The following DSE variants were observed in gnomAD, a reference collection of about 807,000 sequenced individuals.
The protein encoded by DSE is dermatan sulfate epimerase.
Under a neutral mutation model 84.4 loss-of-function variants are expected in DSE, and 36 were observed. That is an observed-to-expected ratio of 0.43 (90% CI 0.33 to 0.56). DSE has a LOEUF of 0.56. DSE is among the 20% of genes least tolerant of loss of function. The pLI is 0.06. For synonymous variants in DSE, 410 were observed against 430.1 expected (o/e 0.95, Z 0.58); for missense variants, 862 against 1,169.6 (o/e 0.74, Z 3.84).
chr6:116,381,425 C>T (rs539719471), intron 1 of DSE, among the ~76,000 whole-genome samples: 1 of 152,214 alleles, frequency 6.6e-6, no homozygotes, highest in South Asian at 2.1e-4. Context: ...GAAATACAGG[C>T]TCTTGAGTAG....
chr6:116,259,791 C>T (rs1351777425), intron 2 of DSE, among the ~76,000 whole-genome samples: 1 of 152,182 alleles, frequency 6.6e-6, no homozygotes, highest in Middle Eastern at 3.2e-3. Context: ...GCCTACAGCT[C>T]CATCCATGTT....
intron 2 of DSE, chr6:116,276,848 T>C (rs1056547261): frequency 6.6e-6 from 1 of 152,200 alleles, no homozygotes; most frequent in African/African-American, 2.4e-5. Context: ...AAAAAAGATA[T>C]ATCACTTACT....
At chr6:116,317,332 A>G (rs1776042050) in intron 2 of DSE, among the ~76,000 whole-genome samples, 1 of 152,238 alleles carries the variant, frequency 6.6e-6, no homozygotes, top group African/African-American at 2.4e-5. Context: ...CCCTGCAGTC[A>G]AAATCTAGGA....
chr6:116,359,937 C>T (rs1330017733), intron 2 of DSE, among the ~76,000 whole-genome samples: 2 of 152,052 alleles, frequency 1.3e-5, no homozygotes, highest in Non-Finnish European at 2.9e-5. Flanking sequence ...GTTCATATGG[C>T]AACATTATTT....
intron 1 of DSE, among the ~76,000 whole-genome samples, chr6:116,381,803 C>T (rs1188605554): frequency 6.6e-6 from 1 of 152,132 alleles, no homozygotes; most frequent in Admixed American, 6.5e-5. Context: ...TAGTTATCTG[C>T]TGTAACAAAG....
At chr6:116,279,420 G>T in intron 2 of DSE, 1 of 1,613,340 alleles carries the variant, frequency 6.2e-7, no homozygotes, top group Non-Finnish European at 8.5e-7. Flanking sequence ...CGGATCTCTG[G>T]GCGCCACAGA....
At chr6:116,342,651 C>A (rs1048779718) in intron 2 of DSE, among the ~76,000 whole-genome samples, 1 of 152,210 alleles carries the variant, frequency 6.6e-6, no homozygotes, top group African/African-American at 2.4e-5. Flanking sequence ...TTTGCACATG[C>A]TGATATTTCT....
chr6:116,290,223 A>G (rs1295905788), intron 2 of DSE, among the ~76,000 whole-genome samples: 2 of 152,070 alleles, frequency 1.3e-5, no homozygotes, highest in Admixed American at 1.3e-4. Flanking sequence ...CGGGGAACTC[A>G]AGGGTTACTG....
rs1780778903 is a variant in DSE, at chr6:116,389,793, C to A, written c.-53-9405C>A. Among the ~76,000 whole-genome samples, 3 of 152,022 alleles carry A rather than the reference C, an allele frequency of 2.0e-5. No homozygotes were observed. In the South Asian group the frequency reaches 6.2e-4, roughly 32 times the overall value. On this transcript the variant is annotated intron_variant, in intron 1 of 5. Coordinates refer to ENST00000644252, the MANE Select transcript of DSE (RefSeq NM_013352.4). The stretch of plus-strand genomic sequence containing the variant: ...AGAGAGCCATAGCTTGTCCTTCAGA[C>A]CATTACAGAAAATCTTTTACTCTTT...
rs115441956 is a variant in DSE, at chr6:116,418,665, G to C, written c.417-7909G>C. ...TAGAACCCTTGGACCCTTCTGCCTA[G>C]CTTTTGGTAGAGCCACTGACTCTGG... is the stretch of plus-strand genomic sequence containing the variant. On this transcript the variant is annotated intron_variant, in intron 2 of 5. Coordinates refer to ENST00000644252, the MANE Select transcript of DSE (RefSeq NM_013352.4). 3.3e-3 allele frequency among the ~76,000 whole-genome samples: 499 copies of C among 152,250 alleles called. 6 individuals are homozygous for C. The highest frequency in any genetic ancestry group is 0.012 in the African/African-American group (480 of 41,536).
At chr6:116,320,456 A>G (rs187399416) in intron 2 of DSE, among the ~76,000 whole-genome samples, 6 of 151,966 alleles carry the variant, frequency 3.9e-5, no homozygotes, top group African/African-American at 1.4e-4. Context: ...GAAAATATAA[A>G]CTATGCTTTG....
At chr6:116,421,414 A>AT (rs1491182149) in intron 2 of DSE, among the ~76,000 whole-genome samples, 6 of 142,446 alleles carry the variant, frequency 4.2e-5, no homozygotes, top group Non-Finnish European at 9.0e-5. Context: ...TAACATAAAC[A>AT]TATTTTAGGA....
intron 2 of DSE, among the ~76,000 whole-genome samples, chr6:116,297,118 C>T (rs1774713185): frequency 6.6e-6 from 1 of 151,772 alleles, no homozygotes; most frequent in African/African-American, 2.4e-5. Context: ...TGTCCATATC[C>T]CTTTGCATGC....
chr6:116,383,590 A>G (rs17077901), intron 1 of DSE, among the ~76,000 whole-genome samples: 15,681 of 152,280 alleles, frequency 0.1, 911 homozygotes, highest in African/African-American at 0.16. Flanking sequence ...GCCATATTTC[A>G]GGCCCTCGGA....
intron 2 of DSE, among the ~76,000 whole-genome samples, chr6:116,267,774 G>A (rs182531757): frequency 1.3e-3 from 191 of 152,140 alleles, no homozygotes; most frequent in Non-Finnish European, 1.6e-4. Flanking sequence ...TGACAGTTCC[G>A]TATGCCTGAG....
chr6:116,276,564 TTTAAGGACTTTAATGATTTTAATCCA>T (rs1773151615), intron 2 of DSE: 1 of 152,080 alleles, frequency 6.6e-6, no homozygotes, highest in South Asian at 2.1e-4. Context: ...TTAACATCAA[TTTAAGGACTTTAATGATTTTAATCCA>T]TTAAGAACTT....
intron 2 of DSE, among the ~76,000 whole-genome samples, chr6:116,419,783 G>T (rs189770415): frequency 6.6e-6 from 1 of 152,238 alleles, no homozygotes; most frequent in African/African-American, 2.4e-5. Context: ...TATAAAATCA[G>T]ATTTTAAACG....
chr6:116,291,669 T>C (rs1274934350), intron 2 of DSE, among the ~76,000 whole-genome samples: 1 of 151,974 alleles, frequency 6.6e-6, no homozygotes, highest in East Asian at 1.9e-4. Context: ...ACATGGACAG[T>C]GTCAGAAAAT....
chr6:116,330,334 G>A (rs746374653), intron 2 of DSE, among the ~76,000 whole-genome samples: 4 of 152,210 alleles, frequency 2.6e-5, no homozygotes, highest in South Asian at 2.1e-4. Context: ...AGAGGAAGGC[G>A]TATTAAAAAT....
Sources: allele counts gnomAD v4.1 joint callset (sites outside exome capture counted in the v4.1 genomes callset), GRCh38; gene constraint gnomAD v4.1.1; transcripts MANE v1.5; gene names NCBI Gene and HGNC (gene_info 2026-07-23, HGNC 2026-07-21).